The following EPAS1 variants were observed in gnomAD, a reference collection of about 807,000 sequenced individuals.
EPAS1 encodes the protein endothelial PAS domain-containing protein 1.
In EPAS1, 23 loss-of-function variants were observed where a neutral mutation model predicts 87.9. The ratio of observed to expected loss-of-function variants is 0.26; its 90% CI spans 0.19 to 0.37. EPAS1 has a LOEUF of 0.37. Among genes scored for constraint, EPAS1 ranks in the 10% least tolerant of loss-of-function variants. The pLI, the probability that EPAS1 is intolerant of heterozygous loss-of-function variation, is 1.00. For missense variants in EPAS1, 1,138 were observed against 1,120.7 expected, an observed-to-expected ratio of 1.02 and a Z score of -0.22; for synonymous variants, 508 against 444.3, an observed-to-expected ratio of 1.14 and a Z score of -1.80.
rs1268807509 is a variant in EPAS1 at position 46,347,274 on chromosome 2, G to A, written c.217+211G>A. 1 of 639,794 alleles carries A rather than the reference G, an allele frequency of 1.6e-6. No homozygotes were observed. The highest frequency in any genetic ancestry group is 2.3e-5 in the Admixed American group (1 of 42,750). The allele number at this position is 639,794 out of a possible 1,614,324, so 39.6% of individuals were successfully genotyped here. A position where few individuals can be genotyped will look rare whatever the true frequency, so the allele number is the denominator to read the frequency against. On this transcript the variant is annotated intron_variant, in intron 2 of 15. Transcript: ENST00000263734. This position sits in a 1 kb window ranked among gnomAD's most constrained non-coding sequence, Gnocchi z 4.2. The stretch of plus-strand genomic sequence containing the variant: ...ACCGTGAATCCAGCTGTGAGAGGAG[G>A]GCAGGGACAGGACCAGGGAAGAACA...
At chr2:46,322,057 T>G (rs141007170) in intron 1 of EPAS1, among the ~76,000 whole-genome samples, 1 of 152,244 alleles carries the variant, frequency 6.6e-6, no homozygotes, top group East Asian at 1.9e-4. Context: ...TCCCTGAAAT[T>G]CTTCCCTGAG....
At chr2:46,364,602 C>T (rs1027533399) in intron 6 of EPAS1, among the ~76,000 whole-genome samples, 2 of 152,198 alleles carry the variant, frequency 1.3e-5, no homozygotes, top group African/African-American at 4.8e-5. Flanking sequence ...TTAAGTCCTG[C>T]ATTAATTGTT....
intron 2 of EPAS1, among the ~76,000 whole-genome samples, chr2:46,355,345 A>T (rs914517821): frequency 2.4e-4 from 36 of 152,358 alleles, no homozygotes; most frequent in Admixed American, 1.4e-3. Flanking sequence ...TCATAGCCTA[A>T]TAGGAGGCTG....
intron 1 of EPAS1, among the ~76,000 whole-genome samples, chr2:46,307,176 T>A (rs1683120608): frequency 6.6e-6 from 1 of 152,218 alleles, no homozygotes; most frequent in African/African-American, 2.4e-5. Flanking sequence ...ATGGCAGCGT[T>A]CACTCCAGAG....
rs1684859067 is a variant in EPAS1 at position 46,380,395 on chromosome 2, G to A, written c.1723G>A (p.Ala575Thr). 1.2e-6 allele frequency: 2 copies of A among 1,614,012 alleles called. No individual in the cohort carries two copies. Among genetic ancestry groups the A allele is most frequent in the Non-Finnish European group, 8.5e-7 (1 of 1,180,020 alleles). Reference sequence around the variant, plus strand: ...CATGACAAACATCTTCCAGCCACTGGCCCCTGTAGCCCCGCACAGTCCCTT... The same window carrying A: ...CATGACAAACATCTTCCAGCCACTGACCCCTGTAGCCCCGCACAGTCCCTT... ...SAMTNIFQPL[A>T]PVAPHSPFLL... Residue 575 changes from alanine (A) to threonine (T), a missense_variant, in exon 12 of 16, where the codon GCC (alanine) becomes ACC (threonine). Coordinates refer to ENST00000263734, the MANE Select transcript of EPAS1 (RefSeq NM_001430.5). The surrounding 1 kb of genome is among the most constrained non-coding windows in gnomAD (Gnocchi z 4.4).
chr2:46,382,350 G>C (rs947698148), intron 14 of EPAS1, 75 bp from the exon 15 acceptor site: 6 of 1,577,126 alleles, frequency 3.8e-6, no homozygotes, highest in Non-Finnish European at 5.2e-6. Flanking sequence ...ATAAAGGAAA[G>C]GGATGCTAGG....
intron 9 of EPAS1, among the ~76,000 whole-genome samples, chr2:46,377,049 A>C (rs1378446421): frequency 6.6e-6 from 1 of 152,144 alleles, no homozygotes; most frequent in African/African-American, 2.4e-5. Flanking sequence ...AGAGTCTGAG[A>C]TGAGAGGGAG....
chr2:46,372,091 G>A lies in EPAS1; in HGVS notation c.886+2158G>A, dbSNP rs115493003. 6.1e-3 allele frequency among the ~76,000 whole-genome samples: 927 copies of A among 152,224 alleles called. 6 individuals are homozygous for A. The highest frequency in any genetic ancestry group is 0.019 in the African/African-American group (789 of 41,510). On this transcript the variant is annotated intron_variant, in intron 7 of 15. Transcript: ENST00000263734. ...AAATAAGGTGCTTTTTACTGAATCC[G>A]TGTATTTACTTATTAGGCACACTGA...
chr2:46,298,112 A>G (rs1234519947), intron 1 of EPAS1, among the ~76,000 whole-genome samples, 175 bp downstream of exon 1: 1 of 152,100 alleles, frequency 6.6e-6, no homozygotes, highest in Non-Finnish European at 1.5e-5. Flanking sequence ...GGCGCGGATC[A>G]GCAGCTTTGC....
intron 1 of EPAS1, among the ~76,000 whole-genome samples, chr2:46,329,964 A>G (rs1309607856): frequency 6.6e-6 from 1 of 152,216 alleles, no homozygotes; most frequent in East Asian, 1.9e-4. Context: ...CAAGAAGTTC[A>G]CTTATAGGCA....
At chr2:46,368,379 T>G (rs1684549170) in intron 6 of EPAS1, among the ~76,000 whole-genome samples, 1 of 152,104 alleles carries the variant, frequency 6.6e-6, no homozygotes. Context: ...GGGTCTTCCA[T>G]GACAGAGGGT....
At chr2:46,356,835 C>T (rs772349615) in intron 4 of EPAS1, 27 bp downstream of exon 4, 4 of 1,532,668 alleles carry the variant, frequency 2.6e-6, no homozygotes, top group African/African-American at 2.7e-5. Context: ...TTACTTCCTT[C>T]TTGCCCCCAC....
intron 1 of EPAS1, among the ~76,000 whole-genome samples, chr2:46,298,556 G>T (rs985904998): frequency 6.6e-6 from 1 of 152,360 alleles, no homozygotes; most frequent in South Asian, 2.1e-4. Context: ...TGACTCTGGG[G>T]AGAGTAGGTA....
chr2:46,370,607 G>T (rs1377798952), intron 7 of EPAS1, among the ~76,000 whole-genome samples: 1 of 152,262 alleles, frequency 6.6e-6, no homozygotes, highest in Non-Finnish European at 1.5e-5. Context: ...GACTCTGGAA[G>T]AGGGCTGCCA....
chr2:46,361,507 A>C (rs577638316), intron 6 of EPAS1, among the ~76,000 whole-genome samples: 1 of 152,084 alleles, frequency 6.6e-6, no homozygotes, highest in Non-Finnish European at 1.5e-5. Flanking sequence ...ACCCTCTTCC[A>C]TTACTGACTG....
chr2:46,351,260 C>G (rs6724065), intron 2 of EPAS1, among the ~76,000 whole-genome samples: 91,602 of 151,998 alleles, frequency 0.6, 28,945 homozygotes, highest in East Asian at 0.89. Flanking sequence ...TAAAAAGTCT[C>G]GTCAGTCAAC....
intron 9 of EPAS1, among the ~76,000 whole-genome samples, chr2:46,377,036 G>C (rs1684767078): frequency 6.6e-6 from 1 of 152,210 alleles, no homozygotes; most frequent in Admixed American, 6.5e-5. Flanking sequence ...ACCATGGGTG[G>C]TGAGAGTCTG....
chr2:46,380,743 C>T lies in EPAS1; in HGVS notation c.2045+26C>T, dbSNP rs199625878. 1.8e-4 allele frequency: 292 copies of T among 1,604,306 alleles called. No homozygotes were observed. Among genetic ancestry groups the T allele is most frequent in the Non-Finnish European group, 2.4e-4 (285 of 1,179,968 alleles). ...GTAAGTGGCAGATACTCAGCTGTAC[C>T]AGCAGGGCCGAACCGAGAGGCACCC... is the stretch of plus-strand genomic sequence containing the variant. On this transcript the variant is annotated intron_variant, in intron 12 of 15. Transcript: ENST00000263734. The surrounding 1 kb of genome is among the most constrained non-coding windows in gnomAD (Gnocchi z 4.4).
chr2:46,343,989 C>T (rs1165429498), intron 1 of EPAS1, among the ~76,000 whole-genome samples: 1 of 152,242 alleles, frequency 6.6e-6, no homozygotes, highest in Admixed American at 6.5e-5. Context: ...TGTTTCCGGA[C>T]TTCTAAGTGT....
Sources: allele counts gnomAD v4.1 joint callset (sites outside exome capture counted in the v4.1 genomes callset), GRCh38; gene constraint gnomAD v4.1.1; non-coding constraint Gnocchi (gnomAD v3.1); transcripts MANE v1.5; gene names NCBI Gene and HGNC (gene_info 2026-07-23, HGNC 2026-07-21).